Variants in SPAG8 observed in about 807,000 individuals in gnomAD.
SPAG8 encodes the protein sperm associated antigen 8, also known as sperm-associated antigen 8.
SPAG8 carries 36 observed loss-of-function variants against 45.3 expected under a neutral mutation model. The observed-to-expected ratio is 0.80, with a 90% confidence interval of 0.61 to 1.05. SPAG8 has a LOEUF of 1.05. Ranked by LOEUF, SPAG8 falls within the 50% of genes least tolerant of loss-of-function variation. SPAG8 has a pLI of 0.00. For synonymous variants in SPAG8, 227 were observed against 232.6 expected, an observed-to-expected ratio of 0.98 and a Z score of 0.22; for missense variants, 573 against 609.2, an observed-to-expected ratio of 0.94 and a Z score of 0.63.
downstream of SPAG8, chr9:35,809,457 T>G: frequency 6.2e-7 from 1 of 1,614,178 alleles, no homozygotes; most frequent in Non-Finnish European, 8.5e-7. This position sits in a 1 kb window ranked among gnomAD's most constrained non-coding sequence, Gnocchi z 4.1. Context: ...CCCCCATTCT[T>G]TCCAAGTCAG....
In SPAG8 at chr9:35,811,652, T is replaced by C. The variant is rs577734621; in HGVS notation, c.394A>G (p.Ser132Gly). 31 of 1,614,130 alleles carry C rather than the reference T, an allele frequency of 1.9e-5. No individual in the cohort carries two copies. In the South Asian group the frequency reaches 3.2e-4, roughly 17 times the overall value. Reference sequence around the variant, plus strand: ...CCTGGAACAGGGCCAGGATTAGAACTATGGTCAGTTGTAGTGCAAGTGTCC... The same window carrying C: ...CCTGGAACAGGGCCAGGATTAGAACCATGGTCAGTTGTAGTGCAAGTGTCC... ...AQDTCTTTDHSSNPGPVPGSS... is the reference protein window; with the variant it reads ...AQDTCTTTDHGSNPGPVPGSS... The change falls in exon 2 of 7, where the codon AGT becomes GGT. Residue 132 changes from serine to glycine, a missense_variant. Transcript: ENST00000396638.
chr9:35,811,747 G>T lies in SPAG8; in HGVS notation c.299C>A (p.Pro100His), dbSNP rs1828814097. Residue 100 changes from proline to histidine, a missense_variant, in exon 2 of 7, where the codon CCC becomes CAC. Pro to His is a moderately conservative substitution (Grantham distance 77). Transcript: ENST00000396638. Reference sequence around the variant, plus strand: ...ATGGGCTATATTGTGGGTAAAGCCGGGTCCCGCACAGGGCTCCCCAAGAAG... The same window carrying T: ...ATGGGCTATATTGTGGGTAAAGCCGTGTCCCGCACAGGGCTCCCCAAGAAG... ...PSLLGEPCAGPGFTHNIAHGS... is the reference protein window; with the variant it reads ...PSLLGEPCAGHGFTHNIAHGS... 1 of 1,614,134 alleles carries T rather than the reference G, an allele frequency of 6.2e-7. No individual in the cohort carries two copies.
chr9:35,809,874 C>T lies in SPAG8; in HGVS notation c.*64G>A. 6.5e-7 allele frequency: 1 copy of T among 1,535,732 alleles called. No homozygotes were observed. The highest frequency in any genetic ancestry group is 2.1e-5 in the Admixed American group (1 of 47,182). On this transcript the variant is annotated 3_prime_UTR_variant, in exon 7 of 7. Coordinates refer to ENST00000396638, the MANE Select transcript of SPAG8 (RefSeq NM_001039592.2). This position sits in a 1 kb window ranked among gnomAD's most constrained non-coding sequence, Gnocchi z 4.1. Reference sequence around the variant, plus strand: ...AAGTACAGTGAGAATTAACTTCCTCCCGACCTCTCTAGTGCAGACAGAAAT... The same window carrying T: ...AAGTACAGTGAGAATTAACTTCCTCTCGACCTCTCTAGTGCAGACAGAAAT...
downstream of SPAG8, chr9:35,809,598 G>T: frequency 7.7e-7 from 1 of 1,297,454 alleles, no homozygotes. The surrounding 1 kb of genome is among the most constrained non-coding windows in gnomAD (Gnocchi z 4.1). Context: ...GTAGCCCTCT[G>T]CAGCTCAGCC....
Position 35,811,474 on chromosome 9 carries a change from G to A in SPAG8, c.572C>T (p.Ser191Phe). The A allele has an allele frequency of 2.5e-6, 4 of 1,610,702 alleles. No homozygotes were observed. Among genetic ancestry groups the A allele is most frequent in the East Asian group, 2.2e-5 (1 of 44,752 alleles). ...PGSGPGHGSG[S>F]HPGPASGPGP... ...AGGCCCAGAGGCAGGACCAGGATGA[G>A]AGCCAGAGCCATGACCAGGACCAGA... The change falls in exon 2 of 7, where the codon TCT (serine) becomes TTT (phenylalanine). Residue 191 changes from serine (S) to phenylalanine (F), a missense_variant. Physicochemically the swap from Ser to Phe is radical, Grantham distance 155 (BLOSUM62 -2). Transcript: ENST00000396638.
In SPAG8 at chr9:35,811,925, T is replaced by A; in HGVS notation, c.121A>T (p.Arg41Trp). 1 of 1,607,092 alleles carries A rather than the reference T, an allele frequency of 6.2e-7. No individual in the cohort carries two copies. ...GCGGTTGCAGCTGCCAGGGCCGACC[T>A]GGGACTGTCATCTGAAGAAGGAAAC... is the stretch of plus-strand genomic sequence containing the variant. ...EPFPSSDDSP[R>W]SALAAATAAA... Residue 41 changes from arginine to tryptophan, a missense_variant, in exon 2 of 7, where the codon AGG becomes TGG. Coordinates refer to ENST00000396638, the MANE Select transcript of SPAG8 (RefSeq NM_001039592.2).
In SPAG8 at chr9:35,809,825, G is replaced by C; in HGVS notation, c.*113C>G. 1 of 1,541,640 alleles carries C rather than the reference G, an allele frequency of 6.5e-7. No individual in the cohort carries two copies. The highest frequency in any genetic ancestry group is 8.7e-7 in the Non-Finnish European group (1 of 1,153,114). On this transcript the variant is annotated 3_prime_UTR_variant, in exon 7 of 7. Transcript: ENST00000396638. This position sits in a 1 kb window ranked among gnomAD's most constrained non-coding sequence, Gnocchi z 4.1. ...AAATTAGCAGTCTTGGGATGAGAGA[G>C]AACCCTTTATGTAAAGCCTCTTCAA...
Position 35,812,249 on chromosome 9 carries a change from G to T in SPAG8, c.-102C>A. On this transcript the variant is annotated 5_prime_UTR_variant, in exon 1 of 7. Transcript: ENST00000396638. Reference sequence around the variant, plus strand: ...GACTTGCAGGTGGCGGTGGAGGCAAGTCCTCTGCGGGGCGGAAGTCTTCAG... The same window carrying T: ...GACTTGCAGGTGGCGGTGGAGGCAATTCCTCTGCGGGGCGGAAGTCTTCAG... The T allele has an allele frequency of 1.5e-6, 2 of 1,329,292 alleles. No homozygotes were observed. 82.3% of individuals were successfully genotyped at this position (1,329,292 alleles called of 1,614,324 possible).
rs988809514 is a variant in SPAG8 at position 35,811,445 on chromosome 9, G to T, written c.601C>A (p.Pro201Thr). ...SHPGPASGPG[P>T]DTGPDSELSP... is the part of the protein sequence containing the mutation. ...AGCTCAGAGTCAGGGCCAGTGTCTG[G>T]ACCAGGCCCAGAGGCAGGACCAGGA... The change falls in exon 2 of 7, where the codon CCA (proline) becomes ACA (threonine). Residue 201 changes from proline to threonine, a missense_variant. Transcript: ENST00000396638. 4 of 1,613,920 alleles carry T rather than the reference G, an allele frequency of 2.5e-6. No individual in the cohort carries two copies. Among genetic ancestry groups the T allele is most frequent in the Middle Eastern group, 3.3e-4 (2 of 6,062 alleles).
downstream of SPAG8, chr9:35,808,864 A>C (rs1253277882): frequency 6.8e-7 from 1 of 1,479,730 alleles, no homozygotes; most frequent in African/African-American, 1.4e-5. The surrounding 1 kb of genome is among the most constrained non-coding windows in gnomAD (Gnocchi z 4.0). Flanking sequence ...GTAAGACATT[A>C]GCCCTCAACC....
At position 35,810,000 on chromosome 9, in the gene SPAG8, A is replaced by G. The variant is rs1322862879; in HGVS notation, c.1396T>C (p.Ser466Pro). 1 of 1,611,814 alleles carries G rather than the reference A, an allele frequency of 6.2e-7. No homozygotes were observed. The highest frequency in any genetic ancestry group is 8.5e-7 in the Non-Finnish European group (1 of 1,178,772). ...CTTCCTCCGGGACAGGGAAGGGAAG[A>G]TATTTCTCCCAATTGGTAGGGGTAA... ...ENYPYQLGEI[S>P]SLPCPGGRLG... The change falls in exon 7 of 7, where the codon TCT becomes CCT. Residue 466 changes from serine (S) to proline (P), a missense_variant. By Grantham distance (74) the Ser-to-Pro change is moderately conservative. Transcript: ENST00000396638. This position sits in a 1 kb window ranked among gnomAD's most constrained non-coding sequence, Gnocchi z 4.1.
rs1828787026 is a variant in SPAG8, at chr9:35,811,359, G to C, written c.687C>G (p.Thr229=). 1.2e-6 allele frequency: 2 copies of C among 1,614,204 alleles called. No homozygotes were observed. Among genetic ancestry groups the C allele is most frequent in the Admixed American group, 1.7e-5 (1 of 60,020 alleles). The change falls in exon 2 of 7, where the codon ACC becomes ACG. Residue 229 remains threonine, a synonymous_variant. Coordinates refer to ENST00000396638, the MANE Select transcript of SPAG8 (RefSeq NM_001039592.2). ...NLVADRVPNY[T]SWSQHCPWEP... ...CCCAGGGGCAGTGCTGACTCCAGGAGGTATAGTTAGGGACCCGATCTGCCA... is the reference window on the plus strand; with the variant it reads ...CCCAGGGGCAGTGCTGACTCCAGGACGTATAGTTAGGGACCCGATCTGCCA...
At chr9:35,807,941 T>C (rs534170872), downstream of SPAG8, 52 of 541,428 alleles carry the variant, frequency 9.6e-5, no homozygotes, top group South Asian at 1.1e-3. Context: ...ATTCGTTGTA[T>C]GGAAAGTACC....
chr9:35,808,520 T>C, downstream of SPAG8: 1 of 1,614,070 alleles, frequency 6.2e-7, no homozygotes, highest in Non-Finnish European at 8.5e-7. This position sits in a 1 kb window ranked among gnomAD's most constrained non-coding sequence, Gnocchi z 4.0. Flanking sequence ...TGGAGACGAT[T>C]GGGGATGCTT....
downstream of SPAG8, chr9:35,809,661 G>A: frequency 9.0e-7 from 1 of 1,111,308 alleles, no homozygotes; most frequent in South Asian, 1.2e-5. The surrounding 1 kb of genome is among the most constrained non-coding windows in gnomAD (Gnocchi z 4.1). Context: ...CCTACTTTCT[G>A]TAAATATCTG....
At chr9:35,808,608 C>T, downstream of SPAG8, 2 of 1,614,180 alleles carry the variant, frequency 1.2e-6, no homozygotes, top group Non-Finnish European at 1.7e-6. This position sits in a 1 kb window ranked among gnomAD's most constrained non-coding sequence, Gnocchi z 4.0. Context: ...CCTAGCATTA[C>T]TAGATGCAGT....
In SPAG8 at chr9:35,810,270, T is replaced by A; in HGVS notation, c.1240A>T (p.Ile414Leu). 1 of 1,614,186 alleles carries A rather than the reference T, an allele frequency of 6.2e-7. No homozygotes were observed. The highest frequency in any genetic ancestry group is 1.3e-5 in the African/African-American group (1 of 75,052). Residue 414 changes from isoleucine (I) to leucine (L), a missense_variant, in exon 6 of 7, where the codon ATA (isoleucine) becomes TTA (leucine). Transcript: ENST00000396638. ...YRQEQPETFWIQRAPQLPGVS... is the reference protein window; with the variant it reads ...YRQEQPETFWLQRAPQLPGVS... ...ACCGGCAGCTGTGGTGCCCTCTGTA[T>A]CCAGAAGGTCTCAGGTTGCTCCTGG...
At chr9:35,808,511 G>A (rs746005628), downstream of SPAG8, 17 of 1,613,930 alleles carry the variant, frequency 1.1e-5, no homozygotes, top group Non-Finnish European at 1.4e-5. This position sits in a 1 kb window ranked among gnomAD's most constrained non-coding sequence, Gnocchi z 4.0. Context: ...TCAATCAGGT[G>A]GAGACGATTG....
downstream of SPAG8, chr9:35,809,315 A>C: frequency 6.2e-7 from 1 of 1,611,262 alleles, no homozygotes; most frequent in South Asian, 1.1e-5. This position sits in a 1 kb window ranked among gnomAD's most constrained non-coding sequence, Gnocchi z 4.1. Flanking sequence ...AATCATAGGG[A>C]AAGAGAGGGA....
Sources: allele counts gnomAD v4.1 joint callset, GRCh38; gene constraint gnomAD v4.1.1; non-coding constraint Gnocchi (gnomAD v3.1); transcripts MANE v1.5; gene names NCBI Gene and HGNC (gene_info 2026-07-23, HGNC 2026-07-21).